UPP2: variants seen among roughly 807,000 people sequenced by gnomAD.
The protein encoded by UPP2 is UPase 2.
Under a neutral mutation model 26.7 loss-of-function variants are expected in UPP2, and 23 were observed. The ratio of observed to expected loss-of-function variants is 0.86; its 90% confidence interval spans 0.62 to 1.22. The LOEUF is 1.22. UPP2 is among the 50% of genes most tolerant of loss of function. The probability of loss-of-function intolerance (pLI) is 0.00; values close to 1 mark genes in which losing one functional copy is unlikely to be tolerated. For synonymous variants in UPP2, 127 were observed against 141.3 expected, an observed-to-expected ratio of 0.90 and a Z score of 0.72; for missense variants, 387 against 396.7, an observed-to-expected ratio of 0.98 and a Z score of 0.21.
chr2:157,997,400 A>T (rs1683338315), intron 2 of UPP2, among the ~76,000 whole-genome samples: 1 of 152,108 alleles, frequency 6.6e-6, no homozygotes, highest in Non-Finnish European at 1.5e-5. Context: ...GGATGTTAAT[A>T]TTTTTTTGGA....
At chr2:158,052,613 C>T (rs1357614176) in intron 3 of UPP2, among the ~76,000 whole-genome samples, 1 of 152,178 alleles carries the variant, frequency 6.6e-6, no homozygotes, top group African/African-American at 2.4e-5. Context: ...AGCTCTGTCA[C>T]TTTGATAAGG....
intron 3 of UPP2, among the ~76,000 whole-genome samples, chr2:158,017,948 CAT>C (rs571241695): frequency 6.6e-6 from 1 of 152,066 alleles, no homozygotes; most frequent in Non-Finnish European, 1.5e-5. Flanking sequence ...AAATATATGT[CAT>C]ATATATATGC....
chr2:158,055,595 A>G (rs185008926), intron 3 of UPP2, among the ~76,000 whole-genome samples: 2 of 152,272 alleles, frequency 1.3e-5, no homozygotes, highest in African/African-American at 4.8e-5. Context: ...CCATAACATG[A>G]TGAACTTCTC....
At chr2:158,077,477 G>T (rs566876714) in intron 3 of UPP2, among the ~76,000 whole-genome samples, 11 of 152,182 alleles carry the variant, frequency 7.2e-5, no homozygotes, top group Middle Eastern at 3.4e-3. Flanking sequence ...AAAGAACCCA[G>T]AAACTAATCC....
At chr2:158,105,770 T>C (rs577820261) in intron 1 of UPP2, among the ~76,000 whole-genome samples, 2 of 152,212 alleles carry the variant, frequency 1.3e-5, no homozygotes, top group Non-Finnish European at 2.9e-5. Flanking sequence ...TGTTTTGTAA[T>C]TTACTGGTTG....
intron 6 of UPP2, among the ~76,000 whole-genome samples, chr2:158,129,213 A>T (rs1384088464): frequency 6.6e-6 from 1 of 151,444 alleles, no homozygotes; most frequent in Non-Finnish European, 1.5e-5. Flanking sequence ...CCCTGCTATG[A>T]CCCCAGGGAG....
In UPP2 at chr2:158,061,217, A is replaced by G. The variant is rs866638771; in HGVS notation, c.148-40823A>G. On this transcript the variant is annotated intron_variant, in intron 3 of 9. Coordinates refer to the UPP2 transcript ENST00000605860. ...TAAGAACTTAGGAGTCATTTGATCT[A>G]TCTTCCCATGTGGCAGATAAGGTCA... is the stretch of plus-strand genomic sequence containing the variant. Among the ~76,000 whole-genome samples the G allele has an allele frequency of 4.6e-5, 7 of 152,200 alleles. No homozygotes were observed. The South Asian group carries it at 1.2e-3, about 27-fold the overall frequency.
intron 3 of UPP2, among the ~76,000 whole-genome samples, chr2:158,030,052 A>G (rs1683901636): frequency 6.6e-6 from 1 of 152,198 alleles, no homozygotes; most frequent in South Asian, 2.1e-4. Flanking sequence ...GGGAACCCCT[A>G]CTGTTAGGAA....
chr2:158,133,814 C>T (rs1683874432), intron 6 of UPP2: 1 of 152,160 alleles, frequency 6.6e-6, no homozygotes, highest in African/African-American at 2.4e-5. Context: ...CAGACACATC[C>T]AATCCAATCA....
At chr2:158,039,900 G>A (rs1023326191) in intron 3 of UPP2, among the ~76,000 whole-genome samples, 3 of 152,208 alleles carry the variant, frequency 2.0e-5, no homozygotes, top group African/African-American at 7.2e-5. Context: ...CCCAGGGGAG[G>A]GGTGCTGTGC....
chr2:158,132,266 A>AGGGTCAGTCTGACCGAT (rs1301897751), intron 6 of UPP2, among the ~76,000 whole-genome samples: 1 of 152,212 alleles, frequency 6.6e-6, no homozygotes, highest in Non-Finnish European at 1.5e-5. Flanking sequence ...ACTGAACAAG[A>AGGGTCAGTCTGACCGAT]GGGTCAGTCT....
intron 4 of UPP2, among the ~76,000 whole-genome samples, chr2:158,120,853 C>T (rs542935453): frequency 6.6e-6 from 1 of 151,958 alleles, no homozygotes; most frequent in African/African-American, 2.4e-5. Context: ...GGCAGGGAGA[C>T]TAACAGTTGG....
At chr2:158,022,668 C>T (rs1485904719) in intron 3 of UPP2, among the ~76,000 whole-genome samples, 1 of 152,166 alleles carries the variant, frequency 6.6e-6, no homozygotes, top group Non-Finnish European at 1.5e-5. Flanking sequence ...TTCCCATCTT[C>T]TCCCCAAAAT....
In UPP2 at chr2:158,027,682, ACC is replaced by A. The variant is rs1229256125; in HGVS notation, c.147+11799_147+11800del. On this transcript the variant is annotated intron_variant, in intron 3 of 9. Transcript: ENST00000605860. Reference sequence around the variant, plus strand: ...GTAGGGGCTCTGTGTGGGGGATCTGACCCCACATTTCCCTTCTGCACTGACCT... The same window carrying A: ...GTAGGGGCTCTGTGTGGGGGATCTGACCACATTTCCCTTCTGCACTGACCT... Among the ~76,000 whole-genome samples, 8 of 152,116 alleles carry A rather than the reference ACC, an allele frequency of 5.3e-5. No individual in the cohort carries two copies. The East Asian group carries it at 1.6e-3, about 29-fold the overall frequency.
At chr2:158,041,107 A>G (rs1294519601) in intron 3 of UPP2, among the ~76,000 whole-genome samples, 6 of 152,236 alleles carry the variant, frequency 3.9e-5, no homozygotes, top group Non-Finnish European at 8.8e-5. Context: ...GAAATAATAA[A>G]GAACCACAGA....
At chr2:158,008,391 T>C (rs900129585) in intron 2 of UPP2, among the ~76,000 whole-genome samples, 2 of 152,214 alleles carry the variant, frequency 1.3e-5, no homozygotes, top group Non-Finnish European at 2.9e-5. Context: ...ATATAGCAGG[T>C]GTTTAGGTAG....
At chr2:158,079,060 C>T (rs2105193178) in intron 3 of UPP2, among the ~76,000 whole-genome samples, 2 of 152,126 alleles carry the variant, frequency 1.3e-5, no homozygotes, top group African/African-American at 4.8e-5. Flanking sequence ...AAGAGGCTTC[C>T]CCCTTCGCTC....
chr2:158,066,589 C>A (rs1209797318), intron 3 of UPP2, among the ~76,000 whole-genome samples: 1 of 151,050 alleles, frequency 6.6e-6, no homozygotes, highest in Non-Finnish European at 1.5e-5. Flanking sequence ...TCATCTCCCA[C>A]ATTCATGCTA....
At chr2:157,998,389 C>T (rs1270539911) in intron 2 of UPP2, among the ~76,000 whole-genome samples, 1 of 152,202 alleles carries the variant, frequency 6.6e-6, no homozygotes, top group Non-Finnish European at 1.5e-5. Context: ...CCTTGAAATG[C>T]TCTGTGATTA....
Sources: allele counts gnomAD v4.1 joint callset (sites outside exome capture counted in the v4.1 genomes callset), GRCh38; gene constraint gnomAD v4.1.1; transcripts MANE v1.5; gene names NCBI Gene and HGNC (gene_info 2026-07-23, HGNC 2026-07-21).